Variants in PREP observed in about 807,000 individuals in gnomAD.
The protein encoded by PREP is dJ355L5.1 (prolyl endopeptidase).
A neutral mutation model predicts 87.6 loss-of-function variants in PREP; 29 were observed. That is an observed-to-expected ratio of 0.33 (90% CI 0.25 to 0.45). The LOEUF (loss-of-function observed/expected upper bound fraction) is 0.45, where lower values mean the gene tolerates loss of function less well. PREP is among the 20% of genes least tolerant of loss of function. PREP has a pLI of 1.00. For missense variants in PREP, 695 were observed against 886.5 expected (o/e 0.78, Z 2.74); for synonymous variants, 337 against 328.6 (o/e 1.03, Z -0.28).
chr6:105,309,913 C>A (rs1032959523), intron 10 of PREP, among the ~76,000 whole-genome samples: 3 of 152,186 alleles, frequency 2.0e-5, no homozygotes, highest in Admixed American at 6.5e-5. Context: ...TGCCATTGAA[C>A]TCATATGCCC....
At chr6:105,361,743 T>C (rs946415924) in intron 6 of PREP, among the ~76,000 whole-genome samples, 1 of 152,232 alleles carries the variant, frequency 6.6e-6, no homozygotes, top group South Asian at 2.1e-4. Flanking sequence ...TTGTGAATCA[T>C]GGCAACATCC....
At chr6:105,324,801 C>T (rs1360832108) in intron 9 of PREP, among the ~76,000 whole-genome samples, 3 of 152,176 alleles carry the variant, frequency 2.0e-5, no homozygotes, top group East Asian at 1.9e-4. Context: ...ACGCTGCCCC[C>T]GACCGGAAAG....
chr6:105,335,952 T>C (rs1045264780), intron 7 of PREP, among the ~76,000 whole-genome samples: 2 of 151,878 alleles, frequency 1.3e-5, no homozygotes, highest in Non-Finnish European at 2.9e-5. Context: ...TAATAAAAAC[T>C]CAAATTTAAA....
At chr6:105,379,934 A>G (rs1377510322) in intron 2 of PREP, among the ~76,000 whole-genome samples, 1 of 152,260 alleles carries the variant, frequency 6.6e-6, no homozygotes, top group Non-Finnish European at 1.5e-5. Flanking sequence ...CAAAGTGTCA[A>G]CTACAGATCA....
intron 10 of PREP, among the ~76,000 whole-genome samples, chr6:105,297,336 A>T (rs1363895920): frequency 6.6e-6 from 1 of 152,208 alleles, no homozygotes; most frequent in East Asian, 1.9e-4. Context: ...TTGTGGTAGG[A>T]ATATTAGAAC....
chr6:105,402,347 C>A (rs952119235), intron 1 of PREP, among the ~76,000 whole-genome samples: 1 of 151,774 alleles, frequency 6.6e-6, no homozygotes, highest in East Asian at 1.9e-4. Flanking sequence ...TAAAATCGAA[C>A]GAATATGCTT....
chr6:105,382,782 G>A (rs1772881838), intron 2 of PREP, among the ~76,000 whole-genome samples: 1 of 152,204 alleles, frequency 6.6e-6, no homozygotes, highest in Non-Finnish European at 1.5e-5. Flanking sequence ...TCCAGGTAGA[G>A]ACTGGCTCAG....
intron 11 of PREP, among the ~76,000 whole-genome samples, chr6:105,287,747 GTTCTA>G (rs1473842170): frequency 6.6e-6 from 1 of 152,172 alleles, no homozygotes; most frequent in African/African-American, 2.4e-5. Flanking sequence ...TTCATATGGG[GTTCTA>G]TTTAGAAGTT....
chr6:105,370,829 G>A (rs972333425), intron 5 of PREP, among the ~76,000 whole-genome samples: 1 of 152,132 alleles, frequency 6.6e-6, no homozygotes, highest in African/African-American at 2.4e-5. Flanking sequence ...AAACTATAAA[G>A]ACAGTAAAAA....
chr6:105,389,727 C>A (rs1331024909), intron 2 of PREP, among the ~76,000 whole-genome samples: 1 of 152,162 alleles, frequency 6.6e-6, no homozygotes, highest in Non-Finnish European at 1.5e-5. Context: ...TCCCTGCTTG[C>A]CTAGCTCAGC....
intron 6 of PREP, among the ~76,000 whole-genome samples, chr6:105,362,101 C>T (rs902013004): frequency 6.6e-6 from 1 of 152,196 alleles, no homozygotes; most frequent in Non-Finnish European, 1.5e-5. Flanking sequence ...TAGGACTTGA[C>T]ATGATATAGG....
intron 12 of PREP, among the ~76,000 whole-genome samples, chr6:105,284,259 C>T (rs1770140272): frequency 6.6e-6 from 1 of 152,076 alleles, no homozygotes; most frequent in Non-Finnish European, 1.5e-5. Flanking sequence ...GATGGCCGGC[C>T]AGGGGCACTC....
chr6:105,307,049 TA>T (rs1236836104), intron 10 of PREP, among the ~76,000 whole-genome samples: 9 of 152,184 alleles, frequency 5.9e-5, no homozygotes, highest in Non-Finnish European at 1.2e-4. Context: ...AGCTGACCAA[TA>T]AAAAAGCAAT....
chr6:105,323,215 TTGAG>T (rs143135621), intron 10 of PREP: 13,470 of 975,016 alleles, frequency 0.014, 452 homozygotes, highest in African/African-American at 0.1. Context: ...AAATGTTTTA[TTGAG>T]TGTCTACTCT....
intron 7 of PREP, among the ~76,000 whole-genome samples, chr6:105,350,856 T>C (rs1771931086): frequency 6.6e-6 from 1 of 152,224 alleles, no homozygotes; most frequent in South Asian, 2.1e-4. Context: ...ACGGGCTCAG[T>C]GCTACACCTG....
intron 7 of PREP, among the ~76,000 whole-genome samples, chr6:105,336,907 G>A (rs893338803): frequency 4.6e-5 from 7 of 151,814 alleles, no homozygotes; most frequent in East Asian, 1.9e-4. Context: ...ACTAATTATC[G>A]CTTTGGCTGT....
At position 105,373,458 on chromosome 6, in the gene PREP, T is replaced by C. The variant is rs1038578622; in HGVS notation, c.506A>G (p.Glu169Gly). 8 of 1,614,230 alleles carry C rather than the reference T, an allele frequency of 5.0e-6. No individual in the cohort carries two copies. Among genetic ancestry groups the C allele is most frequent in the Admixed American group, 3.3e-5 (2 of 60,028 alleles). The change falls in exon 5 of 15, where the codon GAA becomes GGA. Residue 169 changes from glutamate to glycine, a missense_variant. Glu to Gly is a moderately conservative substitution (Grantham distance 98, BLOSUM62 -2). Transcript: ENST00000652536. ...DGAKELPDVL[E>G]RVKFSCMAWT... ...GGCCATACAGCTGAACTTGACTCTT[T>C]CAAGCACATCTGGAAGCTCTTTGGC...
At chr6:105,346,266 C>T (rs1277679555) in intron 7 of PREP, among the ~76,000 whole-genome samples, 2 of 152,188 alleles carry the variant, frequency 1.3e-5, no homozygotes, top group Non-Finnish European at 2.9e-5. Context: ...GAATGTCCAG[C>T]CCTGTCAGGC....
intron 2 of PREP, among the ~76,000 whole-genome samples, chr6:105,395,867 A>G (rs1271630121): frequency 6.6e-6 from 1 of 152,260 alleles, no homozygotes; most frequent in Non-Finnish European, 1.5e-5. Flanking sequence ...AGAGATGCAC[A>G]GGAACTTCAT....
Sources: allele counts gnomAD v4.1 joint callset (sites outside exome capture counted in the v4.1 genomes callset), GRCh38; gene constraint gnomAD v4.1.1; transcripts MANE v1.5; gene names NCBI Gene and HGNC (gene_info 2026-07-23, HGNC 2026-07-21).